LRRC7: variants seen among roughly 807,000 people sequenced by gnomAD.
LRRC7 encodes leucine-rich repeat-containing protein 7.
LRRC7 carries 23 observed loss-of-function variants against 175.7 expected under a neutral mutation model. The ratio of observed to expected loss-of-function variants is 0.13; its 90% CI spans 0.09 to 0.19. The LOEUF is 0.19. Among genes scored for constraint, LRRC7 ranks in the 10% least tolerant of loss-of-function variants. The probability of loss-of-function intolerance (pLI) is 1.00; values close to 1 mark genes in which losing one functional copy is unlikely to be tolerated. For missense variants in LRRC7, 1,354 were observed against 1,904.7 expected, an observed-to-expected ratio of 0.71 and a Z score of 5.38; for synonymous variants, 685 against 680.9, an observed-to-expected ratio of 1.01 and a Z score of -0.09.
chr1:69,621,530 C>T (rs940007106), intron 1 of LRRC7, among the ~76,000 whole-genome samples: 86 of 152,262 alleles, frequency 5.6e-4, no homozygotes, highest in African/African-American at 2.0e-3. Context: ...GATTTTCTCT[C>T]CCTAGAAAAT....
chr1:69,972,456 G>A (rs1652337775), intron 8 of LRRC7, among the ~76,000 whole-genome samples: 1 of 152,074 alleles, frequency 6.6e-6, no homozygotes, highest in African/African-American at 2.4e-5. Context: ...AGTGGGCTAA[G>A]GACATGAATA....
chr1:70,066,293 G>A (rs984798593), intron 23 of LRRC7, among the ~76,000 whole-genome samples: 1 of 151,880 alleles, frequency 6.6e-6, no homozygotes, highest in African/African-American at 2.4e-5. Flanking sequence ...GAAATCTTAG[G>A]TACCTTGCAT....
intron 4 of LRRC7, among the ~76,000 whole-genome samples, chr1:69,803,716 T>TC (rs1373915532): frequency 6.6e-6 from 1 of 151,364 alleles, no homozygotes; most frequent in Admixed American, 6.6e-5. Context: ...ATACCTTTGT[T>TC]CTTCTTGAGT....
intron 7 of LRRC7, among the ~76,000 whole-genome samples, chr1:69,914,536 A>T (rs1240690034): frequency 3.5e-4 from 53 of 152,206 alleles, no homozygotes; most frequent in Admixed American, 3.5e-3. Context: ...AGTGTTCCTC[A>T]TTATTTGAAA....
chr1:69,910,990 A>T (rs1223698543), intron 7 of LRRC7, among the ~76,000 whole-genome samples: 2 of 152,014 alleles, frequency 1.3e-5, no homozygotes, highest in African/African-American at 4.8e-5. Flanking sequence ...TGGGCATAGG[A>T]CCCTCCGAGT....
intron 7 of LRRC7, among the ~76,000 whole-genome samples, chr1:69,859,869 T>A (rs1684172869): frequency 6.6e-6 from 1 of 151,960 alleles, no homozygotes; most frequent in Admixed American, 6.6e-5. Context: ...TTAATTTAGG[T>A]TTTAATAATA....
At chr1:69,691,812 A>G (rs1557606665) in intron 2 of LRRC7, among the ~76,000 whole-genome samples, 1 of 150,824 alleles carries the variant, frequency 6.6e-6, no homozygotes. Context: ...AAAAAAAAAA[A>G]AAAAAAAAAG....
At chr1:69,791,625 A>G (rs1381048777) in intron 3 of LRRC7, among the ~76,000 whole-genome samples, 1 of 152,068 alleles carries the variant, frequency 6.6e-6, no homozygotes, top group Non-Finnish European at 1.5e-5. Context: ...ACAACTGTTC[A>G]ATGTGATTAC....
intron 2 of LRRC7, among the ~76,000 whole-genome samples, chr1:69,734,597 GTTC>G (rs1557663126): frequency 1.3e-5 from 2 of 151,914 alleles, no homozygotes; most frequent in Non-Finnish European, 2.9e-5. Context: ...TAAATTTTAA[GTTC>G]TTCTAAATTT....
intron 2 of LRRC7, among the ~76,000 whole-genome samples, chr1:69,758,787 G>T (rs1490364819): frequency 1.3e-5 from 2 of 151,814 alleles, no homozygotes; most frequent in Admixed American, 6.6e-5. Context: ...GCATTAATTT[G>T]CTAGATAATG....
At chr1:69,727,534 G>C (rs1034173105) in intron 2 of LRRC7, among the ~76,000 whole-genome samples, 5 of 151,906 alleles carry the variant, frequency 3.3e-5, no homozygotes, top group African/African-American at 1.2e-4. Context: ...TACCATAGGG[G>C]ACAATACAAG....
chr1:69,833,413 G>A (rs1680750306), intron 5 of LRRC7, among the ~76,000 whole-genome samples: 1 of 152,050 alleles, frequency 6.6e-6, no homozygotes, highest in Non-Finnish European at 1.5e-5. Flanking sequence ...ATAGGAAGAT[G>A]TAGACAGGGA....
intron 1 of LRRC7, among the ~76,000 whole-genome samples, chr1:69,629,714 T>C (rs1652175661): frequency 6.6e-6 from 1 of 152,194 alleles, no homozygotes. Flanking sequence ...TATTCTTAAT[T>C]ACTGTCATGT....
intron 17 of LRRC7, among the ~76,000 whole-genome samples, chr1:70,027,545 G>A (rs1319855163): frequency 6.6e-6 from 1 of 152,130 alleles, no homozygotes; most frequent in African/African-American, 2.4e-5. Context: ...CAAGAAGCAT[G>A]TTACTTTCTT....
intron 8 of LRRC7, among the ~76,000 whole-genome samples, chr1:69,939,505 G>GAGCCTAACACTCCAGCCCCTCTA (rs1304013638): frequency 6.6e-6 from 1 of 152,024 alleles, no homozygotes; most frequent in Non-Finnish European, 1.5e-5. Context: ...CCCTCCCCAG[G>GAGCCTAACACTCCAGCCCCTCTA]ACACTCAATT....
At chr1:69,834,491 T>C (rs998041173) in intron 5 of LRRC7, among the ~76,000 whole-genome samples, 4 of 152,162 alleles carry the variant, frequency 2.6e-5, no homozygotes, top group Admixed American at 6.6e-5. Flanking sequence ...CTGGCTAGCG[T>C]GCATAAGGTT....
chr1:69,897,900 C>A (rs546525841), intron 7 of LRRC7, among the ~76,000 whole-genome samples: 1 of 152,132 alleles, frequency 6.6e-6, no homozygotes, highest in African/African-American at 2.4e-5. Context: ...AAGAGAGTTT[C>A]TATATTACTT....
chr1:69,846,135 A>G (rs756293015), intron 7 of LRRC7, among the ~76,000 whole-genome samples: 21 of 152,174 alleles, frequency 1.4e-4, no homozygotes, highest in Admixed American at 2.6e-4. Flanking sequence ...ATTTAAAAGT[A>G]TTCTATAAAT....
At chr1:70,006,687 G>A (rs1656023758) in intron 11 of LRRC7, among the ~76,000 whole-genome samples, 1 of 151,822 alleles carries the variant, frequency 6.6e-6, no homozygotes, top group Admixed American at 6.5e-5. Context: ...ACAGGTTCAG[G>A]GCTCAGTCCC....
Sources: allele counts gnomAD v4.1 joint callset (sites outside exome capture counted in the v4.1 genomes callset), GRCh38; gene constraint gnomAD v4.1.1; transcripts MANE v1.5; gene names NCBI Gene and HGNC (gene_info 2026-07-23, HGNC 2026-07-21).